ESYT2: variants seen among roughly 807,000 people sequenced by gnomAD.
ESYT2 encodes the protein extended synaptotagmin-2.
A neutral mutation model predicts 107.2 loss-of-function variants in ESYT2; 54 were observed. That is an observed-to-expected ratio of 0.50 (90% confidence interval 0.40 to 0.63). ESYT2 has a LOEUF of 0.63. ESYT2 is among the 30% of genes least tolerant of loss of function. The probability of loss-of-function intolerance (pLI) is 0.00; values close to 1 mark genes in which losing one functional copy is unlikely to be tolerated. For synonymous variants in ESYT2, 491 were observed against 434.1 expected (o/e 1.13, Z -1.63); for missense variants, 1,020 against 1,094.5 (o/e 0.93, Z 0.96).
chr7:158,739,871 A>ATT (rs1280174856), intron 18 of ESYT2, among the ~76,000 whole-genome samples: 5 of 152,286 alleles, frequency 3.3e-5, no homozygotes, highest in Non-Finnish European at 7.4e-5. Context: ...GAAGGAACAG[A>ATT]TTCCTTGCGG....
intron 17 of ESYT2, among the ~76,000 whole-genome samples, chr7:158,742,647 T>C (rs987850975): frequency 1.3e-5 from 2 of 152,228 alleles, no homozygotes; most frequent in African/African-American, 4.8e-5. Flanking sequence ...GGTCTCCCAG[T>C]TGTGTGAGCA....
At chr7:158,793,406 A>T (rs191696023) in intron 4 of ESYT2, among the ~76,000 whole-genome samples, 12 of 151,944 alleles carry the variant, frequency 7.9e-5, no homozygotes, top group Admixed American at 2.0e-4. Context: ...ATTGGTCCAT[A>T]GTTTTCTTTT....
intron 1 of ESYT2, among the ~76,000 whole-genome samples, chr7:158,813,722 G>T (rs1195445405): frequency 6.6e-6 from 1 of 151,914 alleles, no homozygotes; most frequent in Non-Finnish European, 1.5e-5. Context: ...AAAGACCAAG[G>T]GAGAGCACCT....
intron 20 of ESYT2, 74 bp downstream of exon 20, chr7:158,736,974 A>G: frequency 6.3e-7 from 1 of 1,581,720 alleles, no homozygotes; most frequent in East Asian, 2.3e-5. Context: ...GGCCACTCAA[A>G]GGCACCATTT....
intron 6 of ESYT2, among the ~76,000 whole-genome samples, chr7:158,778,114 A>T (rs1478983896): frequency 6.6e-6 from 1 of 152,196 alleles, no homozygotes; most frequent in Non-Finnish European, 1.5e-5. Context: ...GAAAAAAACC[A>T]CCTACCATAG....
In ESYT2 at chr7:158,749,670, C is replaced by T; in HGVS notation, c.1536G>A (p.Gly512=). 1 of 1,614,028 alleles carries T rather than the reference C, an allele frequency of 6.2e-7. No homozygotes were observed. The highest frequency in any genetic ancestry group is 1.1e-5 in the South Asian group (1 of 91,038). Residue 512 remains glycine, a synonymous_variant, in exon 15 of 23, where the codon GGG becomes GGA. Transcript: ENST00000275418. ...TTACCTTGCTCTCCTGGGCCTTGTG[C>T]CCAACTGACATCTGGACAACAGGAT... The part of the protein sequence containing the change: ...NPNPVVQMSV[G]HKAQESKIRY...
chr7:158,770,529 T>TC (rs1340827524), intron 7 of ESYT2, among the ~76,000 whole-genome samples: 1 of 151,298 alleles, frequency 6.6e-6, no homozygotes, highest in African/African-American at 2.4e-5. Context: ...ATATTTTTTT[T>TC]CCTGAGACGG....
intron 11 of ESYT2, among the ~76,000 whole-genome samples, chr7:158,760,957 C>T (rs907948581): frequency 3.9e-5 from 6 of 152,208 alleles, no homozygotes; most frequent in Non-Finnish European, 7.3e-5. Flanking sequence ...AATTTTGCTT[C>T]ATTTATCTAA....
chr7:158,794,179 G>A (rs1033422163), intron 3 of ESYT2, among the ~76,000 whole-genome samples: 1 of 152,170 alleles, frequency 6.6e-6, no homozygotes, highest in Non-Finnish European at 1.5e-5. Flanking sequence ...TATTCTTTAT[G>A]TCTCATAATT....
intron 20 of ESYT2, 70 bp from the exon 21 acceptor site, chr7:158,735,678 T>C: frequency 1.6e-6 from 2 of 1,284,022 alleles, no homozygotes; most frequent in Non-Finnish European, 2.3e-6. Context: ...AAAAATGGCA[T>C]TTCTGCTCAT....
intron 1 of ESYT2, among the ~76,000 whole-genome samples, chr7:158,818,543 G>T (rs1488218809): frequency 6.6e-6 from 1 of 152,172 alleles, no homozygotes; most frequent in Admixed American, 6.5e-5. Flanking sequence ...GAGGGAGGTG[G>T]CAAAGGCCAC....
Position 158,798,042 on chromosome 7 carries a change from A to C in ESYT2, c.407T>G (p.Phe136Cys). 6.2e-7 allele frequency: 1 copy of C among 1,614,146 alleles called. No individual in the cohort carries two copies. The change falls in exon 3 of 23, where the codon TTT (phenylalanine) becomes TGT (cysteine). Residue 136 changes from phenylalanine (F) to cysteine (C), a missense_variant. Coordinates refer to ENST00000275418, the MANE Select transcript of ESYT2 (RefSeq NM_001367773.1). Reference protein sequence around the residue: ...VKHMWPFICQFIEKLFRETIE... With the variant: ...VKHMWPFICQCIEKLFRETIE... ...AGTTTCTCGAAACAACTTCTCTATAAATTGGCAAATGAAAGGCCACATGTG... is the reference window on the plus strand; with the variant it reads ...AGTTTCTCGAAACAACTTCTCTATACATTGGCAAATGAAAGGCCACATGTG...
At chr7:158,739,490 G>A (rs930265897) in intron 18 of ESYT2, among the ~76,000 whole-genome samples, 2 of 152,104 alleles carry the variant, frequency 1.3e-5, no homozygotes, top group African/African-American at 4.8e-5. Flanking sequence ...GGGATTACAG[G>A]CGCCCGCCAC....
chr7:158,799,129 G>A (rs1257775177), intron 1 of ESYT2, 57 bp from the exon 2 acceptor site: 1 of 1,460,896 alleles, frequency 6.8e-7, no homozygotes, highest in East Asian at 2.3e-5. Flanking sequence ...TAAATAAAAT[G>A]TCAAGCAGGC....
chr7:158,737,140 A>C lies in ESYT2; in HGVS notation c.2307T>G (p.Tyr769Ter), dbSNP rs1836988379. 6.2e-7 allele frequency: 1 copy of C among 1,614,028 alleles called. No individual in the cohort carries two copies. Among genetic ancestry groups the C allele is most frequent in the Non-Finnish European group, 8.5e-7 (1 of 1,179,910 alleles). The change falls in exon 20 of 23, where the codon TAT becomes TAG. Residue 769 changes from tyrosine (Y) to a stop codon, truncating the protein, a stop_gained. Transcript: ENST00000275418. LOFTEE classifies it high-confidence loss of function. ...IAFSEDGSDP[Y>*]VRMYLLPDKR... ...TGTCTGGTAATAAATACATGCGGAC[A>C]TAGGGGTCAGAGCCGTCTTCAGAGA... is the stretch of plus-strand genomic sequence containing the variant.
At chr7:158,752,084 AATAG>A (rs1366935389) in intron 14 of ESYT2, among the ~76,000 whole-genome samples, 1 of 152,226 alleles carries the variant, frequency 6.6e-6, no homozygotes, top group Non-Finnish European at 1.5e-5. Flanking sequence ...GTTTCTTTAG[AATAG>A]ATAGAATTTT....
chr7:158,740,096 G>A (rs142279086), intron 18 of ESYT2, among the ~76,000 whole-genome samples: 9 of 152,258 alleles, frequency 5.9e-5, no homozygotes, highest in East Asian at 1.9e-4. Context: ...CTGCTCCACC[G>A]GCGCTAACTG....
intron 1 of ESYT2, among the ~76,000 whole-genome samples, chr7:158,807,572 C>A (rs552165102): frequency 5.6e-4 from 86 of 152,276 alleles, no homozygotes; most frequent in African/African-American, 2.0e-3. Context: ...ATGTTCATTA[C>A]CTTCACTGGA....
intron 1 of ESYT2, among the ~76,000 whole-genome samples, chr7:158,818,130 A>G (rs1840196658): frequency 6.6e-6 from 1 of 152,246 alleles, no homozygotes; most frequent in Admixed American, 6.5e-5. Flanking sequence ...TTAGTCACTA[A>G]CCAGCACTTA....
Sources: allele counts gnomAD v4.1 joint callset (sites outside exome capture counted in the v4.1 genomes callset), GRCh38; gene constraint gnomAD v4.1.1; transcripts MANE v1.5; gene names NCBI Gene and HGNC (gene_info 2026-07-23, HGNC 2026-07-21).